Variants in STARD9 observed in about 807,000 individuals in gnomAD.
The protein encoded by STARD9 is stAR-related lipid transfer protein 9.
STARD9 carries 346 observed loss-of-function variants against 399.8 expected under a neutral mutation model. The observed-to-expected ratio is 0.87, with a 90% confidence interval of 0.79 to 0.95. STARD9 has a LOEUF of 0.95. Ranked by LOEUF, STARD9 falls within the 40% of genes least tolerant of loss-of-function variation. STARD9 has a pLI of 0.00. For synonymous variants in STARD9, 2,203 were observed against 2,143.5 expected, an observed-to-expected ratio of 1.03 and a Z score of -0.77; for missense variants, 5,832 against 5,667.5, an observed-to-expected ratio of 1.03 and a Z score of -0.93.
chr15:42,686,944 T>TC lies in STARD9; in HGVS notation c.5368dup (p.Gln1790ProfsTer8), dbSNP rs2140244432. On this transcript the variant is annotated frameshift_variant, in exon 23 of 33. Transcript: ENST00000290607. LOFTEE classifies it high-confidence loss of function. Reference sequence around the variant, plus strand: ...GGCTTTGGTCACAACCACCAAGCTCTCCAAGGTGCTTATTTGAAGAATAAT... The same window carrying TC: ...GGCTTTGGTCACAACCACCAAGCTCTCCCAAGGTGCTTATTTGAAGAATAAT... The TC allele has an allele frequency of 2.0e-6, 3 of 1,536,648 alleles. 1 individual carries two copies. The South Asian group carries it at 3.6e-5, about 18-fold the overall frequency.
chr15:42,645,243 C>T (rs1234882628), intron 7 of STARD9, among the ~76,000 whole-genome samples: 1 of 152,166 alleles, frequency 6.6e-6, no homozygotes, highest in Non-Finnish European at 1.5e-5. Context: ...ATCACTGTGA[C>T]AACTATAGCT....
rs758266644 is a variant in STARD9 at position 42,717,051 on chromosome 15, G to A, written c.13494+3G>A. 2 of 1,537,122 alleles carry A rather than the reference G, an allele frequency of 1.3e-6. No homozygotes were observed. Among genetic ancestry groups the A allele is most frequent in the Non-Finnish European group, 1.7e-6 (2 of 1,146,856 alleles). On this transcript the variant is annotated splice_donor_region_variant and intron_variant, in intron 28 of 32. Coordinates refer to ENST00000290607, the MANE Select transcript of STARD9 (RefSeq NM_020759.3). Reference sequence around the variant, plus strand: ...TCGTGGACACTTCTATGGCTGATGTGAGTAACTGCTCCCACCCATCCCTAC... The same window carrying A: ...TCGTGGACACTTCTATGGCTGATGTAAGTAACTGCTCCCACCCATCCCTAC...
intron 3 of STARD9, among the ~76,000 whole-genome samples, chr15:42,602,907 C>T (rs931318461): frequency 2.0e-5 from 3 of 152,142 alleles, no homozygotes; most frequent in African/African-American, 7.2e-5. Context: ...CTAGGGTTTT[C>T]CTTTCAGTTT....
intron 26 of STARD9, among the ~76,000 whole-genome samples, chr15:42,699,759 T>G (rs188599187): frequency 4.6e-5 from 7 of 152,072 alleles, no homozygotes. Context: ...CAAGCTGGAG[T>G]GCAATGGTGC....
At position 42,575,657 on chromosome 15, in the gene STARD9, G is replaced by A. The variant is rs977194943; in HGVS notation, c.-59G>A. 3 of 1,524,228 alleles carry A rather than the reference G, an allele frequency of 2.0e-6. No individual in the cohort carries two copies. The highest frequency in any genetic ancestry group is 2.4e-5 in the East Asian group (1 of 40,832). 94.4% of individuals were successfully genotyped at this position (1,524,228 alleles called of 1,614,324 possible). On this transcript the variant is annotated 5_prime_UTR_variant, in exon 1 of 33. Coordinates refer to ENST00000290607, the MANE Select transcript of STARD9 (RefSeq NM_020759.3). ...GGTTGGGGCTGTGTCTGGGCTTAGG[G>A]CGGGGGCCTGGGATGCTGCCGCTGA...
rs2060684795 is a variant in STARD9 at position 42,691,111 on chromosome 15, C to T, written c.9533C>T (p.Ser3178Phe). The change falls in exon 23 of 33, where the codon TCC (serine) becomes TTC (phenylalanine). Residue 3178 changes from serine (S) to phenylalanine (F), a missense_variant. Physicochemically the swap from Ser to Phe is radical, Grantham distance 155. Transcript: ENST00000290607. ...TRCFLEKPQF[S>F]TELRDHNRLD... ...TGTTTTTTGGAAAAGCCACAATTTTCCACTGAGTTGAGGGATCACAATCGC... is the reference window on the plus strand; with the variant it reads ...TGTTTTTTGGAAAAGCCACAATTTTTCACTGAGTTGAGGGATCACAATCGC... 2 of 1,537,100 alleles carry T rather than the reference C, an allele frequency of 1.3e-6. No homozygotes were observed. The highest frequency in any genetic ancestry group is 8.7e-7 in the Non-Finnish European group (1 of 1,146,908).
intron 3 of STARD9, among the ~76,000 whole-genome samples, chr15:42,593,200 C>A (rs191625860): frequency 2.3e-4 from 35 of 152,274 alleles, no homozygotes; most frequent in African/African-American, 8.4e-4. Context: ...AACCTCTTTT[C>A]TGAATCTGGT....
At position 42,635,967 on chromosome 15, in the gene STARD9, C is replaced by A. The variant is rs139534250; in HGVS notation, c.351+995C>A. On this transcript the variant is annotated intron_variant, in intron 4 of 32. Coordinates refer to ENST00000290607, the MANE Select transcript of STARD9 (RefSeq NM_020759.3). ...ACAGAAAATCAGGAGGGCAGAGTTG[C>A]TTAAGAATACCTTTTTGTTTTGGGT... Among the ~76,000 whole-genome samples the A allele has an allele frequency of 3.4e-3, 525 of 152,232 alleles. 2 individuals carry two copies. The highest frequency in any genetic ancestry group is 6.1e-3 in the Non-Finnish European group (412 of 68,016).
chr15:42,655,823 T>TATGCATC (rs1184738777), intron 9 of STARD9, among the ~76,000 whole-genome samples: 1 of 152,136 alleles, frequency 6.6e-6, no homozygotes, highest in Non-Finnish European at 1.5e-5. Context: ...ATTTGCAATC[T>TATGCATC]ATGCATCCTA....
rs1311589572 is a variant in STARD9, at chr15:42,688,599, A to G, written c.7021A>G (p.Arg2341Gly). ...LSNTLPLNSPRWPRRCLHVPV... is the reference protein window; with the variant it reads ...LSNTLPLNSPGWPRRCLHVPV... ...TAATACCTTGCCCTTGAATTCTCCA[A>G]GGTGGCCAAGAAGGTGTCTTCATGT... is the stretch of plus-strand genomic sequence containing the variant. Residue 2341 changes from arginine to glycine, a missense_variant, in exon 23 of 33, where the codon AGG becomes GGG. Physicochemically the swap from Arg to Gly is moderately radical, Grantham distance 125 (BLOSUM62 -2). Transcript: ENST00000290607. 2 of 1,537,604 alleles carry G rather than the reference A, an allele frequency of 1.3e-6. No individual in the cohort carries two copies. The highest frequency in any genetic ancestry group is 2.0e-5 in the Admixed American group (1 of 50,994).
At position 42,691,541 on chromosome 15, in the gene STARD9, C is replaced by T. The variant is rs1005987713; in HGVS notation, c.9963C>T (p.Ser3321=). The T allele has an allele frequency of 3.3e-6, 5 of 1,537,248 alleles. No homozygotes were observed. Among genetic ancestry groups the T allele is most frequent in the Non-Finnish European group, 3.5e-6 (4 of 1,146,910 alleles). Residue 3321 remains serine (S), a synonymous_variant, in exon 23 of 33, where the codon TCC becomes TCT. Coordinates refer to ENST00000290607, the MANE Select transcript of STARD9 (RefSeq NM_020759.3). ...CTGGCCCCAAACACTCCAGGTCCTC[C>T]CCCACACCACAGTTCTCAGTTGTCG... is the stretch of plus-strand genomic sequence containing the variant. ...IFSGPKHSRS[S]PTPQFSVVGS...
intron 3 of STARD9, among the ~76,000 whole-genome samples, chr15:42,616,453 G>A (rs1280669922): frequency 6.6e-6 from 1 of 152,210 alleles, no homozygotes; most frequent in East Asian, 1.9e-4. Context: ...TAATAGCTTA[G>A]TGTTCAACAG....
chr15:42,602,080 G>A (rs1412084827), intron 3 of STARD9, among the ~76,000 whole-genome samples: 4 of 152,250 alleles, frequency 2.6e-5, no homozygotes, highest in South Asian at 2.1e-4. Flanking sequence ...AACTCCTAAC[G>A]TCAAGTGATC....
At chr15:42,658,632 A>AT (rs1453071537) in intron 9 of STARD9, among the ~76,000 whole-genome samples, 4 of 151,406 alleles carry the variant, frequency 2.6e-5, no homozygotes, top group African/African-American at 9.7e-5. Flanking sequence ...ACAGGCACGC[A>AT]TTACCATGCC....
At chr15:42,617,753 T>A (rs1032459244) in intron 3 of STARD9, among the ~76,000 whole-genome samples, 1 of 152,018 alleles carries the variant, frequency 6.6e-6, no homozygotes, top group African/African-American at 2.4e-5. Context: ...AAATTTTTAT[T>A]TTGTTCTTTT....
intron 26 of STARD9, among the ~76,000 whole-genome samples, chr15:42,699,896 G>A (rs1238528212): frequency 7.2e-5 from 11 of 151,918 alleles, no homozygotes; most frequent in African/African-American, 2.2e-4. Flanking sequence ...TAGGAGAGAC[G>A]GGTTTTCACC....
At chr15:42,678,080 G>C (rs2060347931) in intron 20 of STARD9, among the ~76,000 whole-genome samples, 1 of 152,212 alleles carries the variant, frequency 6.6e-6, no homozygotes, top group African/African-American at 2.4e-5. Context: ...AGCTCTAGGA[G>C]CCTGTAGGCT....
At chr15:42,670,518 T>A (rs1004671912) in intron 16 of STARD9, 3 of 152,220 alleles carry the variant, frequency 2.0e-5, no homozygotes, top group African/African-American at 7.2e-5. Flanking sequence ...AGAACGTACT[T>A]CCCATGCTCA....
intron 7 of STARD9, among the ~76,000 whole-genome samples, chr15:42,649,860 G>GC (rs1250993295): frequency 1.8e-4 from 25 of 142,428 alleles, no homozygotes; most frequent in African/African-American, 6.2e-4. Flanking sequence ...ACCGAGCCTG[G>GC]CCTTTTTTTT....
Sources: allele counts gnomAD v4.1 joint callset (sites outside exome capture counted in the v4.1 genomes callset), GRCh38; gene constraint gnomAD v4.1.1; transcripts MANE v1.5; gene names NCBI Gene and HGNC (gene_info 2026-07-23, HGNC 2026-07-21).